The following CHST8 variants were observed in gnomAD, a reference collection of about 807,000 sequenced individuals.
The protein encoded by CHST8 is carbohydrate sulfotransferase 8.
A neutral mutation model predicts 15.0 loss-of-function variants in CHST8; 10 were observed. The observed-to-expected ratio is 0.67, with a 90% CI of 0.41 to 1.13. The LOEUF is 1.13. Among genes scored for constraint, CHST8 ranks in the 50% most tolerant of loss-of-function variants. CHST8 has a pLI of 0.00. For missense variants in CHST8, 634 were observed against 608.2 expected (o/e 1.04, Z -0.45); for synonymous variants, 259 against 256.6 (o/e 1.01, Z -0.09).
intron 1 of CHST8, among the ~76,000 whole-genome samples, chr19:33,624,309 G>A (rs1402684097): frequency 6.6e-6 from 1 of 152,202 alleles, no homozygotes. Flanking sequence ...CTCCAGTTGG[G>A]AGAGGAGAGC....
Position 33,724,559 on chromosome 19 carries a change from C to T in CHST8, c.130+35168C>T, listed in dbSNP as rs535697271. ...ATGTGCGTCTGCAGCCTGGAGGACA[C>T]GCCCTCCCTCACTGAGTGTGGGCGC... On this transcript the variant is annotated intron_variant, in intron 3 of 4. Transcript: ENST00000650847. Among the ~76,000 whole-genome samples the T allele has an allele frequency of 2.5e-4, 38 of 152,316 alleles. 1 individual carries two copies. In the South Asian group the frequency reaches 7.5e-3, roughly 30 times the overall value.
intron 2 of CHST8, among the ~76,000 whole-genome samples, chr19:33,671,140 A>G (rs1972731717): frequency 1.3e-5 from 2 of 152,178 alleles, no homozygotes; most frequent in Admixed American, 1.3e-4. Flanking sequence ...CTTACTGAGA[A>G]GAGTGAATTA....
chr19:33,653,119 G>T (rs965165013), intron 1 of CHST8, among the ~76,000 whole-genome samples: 21 of 152,020 alleles, frequency 1.4e-4, no homozygotes, highest in African/African-American at 5.1e-4. Flanking sequence ...ACTCTTTTTT[G>T]TGTGTGTGAG....
At chr19:33,695,737 G>T (rs1022639555) in intron 3 of CHST8, among the ~76,000 whole-genome samples, 2 of 150,810 alleles carry the variant, frequency 1.3e-5, no homozygotes, top group Admixed American at 1.3e-4. Context: ...TGCTACAAAA[G>T]ACATTATTTT....
chr19:33,709,625 T>A (rs1042412719), intron 3 of CHST8, among the ~76,000 whole-genome samples: 2 of 140,074 alleles, frequency 1.4e-5, no homozygotes, highest in African/African-American at 5.6e-5. Context: ...TTGTTGTGGA[T>A]TTTTTTTTTT....
chr19:33,695,408 A>G (rs1973190329), intron 3 of CHST8, among the ~76,000 whole-genome samples: 1 of 152,100 alleles, frequency 6.6e-6, no homozygotes, highest in African/African-American at 2.4e-5. Context: ...TTTAATACTC[A>G]TTTACTACTT....
chr19:33,749,660 T>C (rs1974377429), intron 3 of CHST8, among the ~76,000 whole-genome samples: 1 of 152,004 alleles, frequency 6.6e-6, no homozygotes, highest in Non-Finnish European at 1.5e-5. Flanking sequence ...GGGCAGGTCC[T>C]GCAGCCCTCA....
intron 1 of CHST8, among the ~76,000 whole-genome samples, chr19:33,663,555 C>T (rs1255073584): frequency 6.6e-6 from 1 of 152,110 alleles, no homozygotes; most frequent in African/African-American, 2.4e-5. Context: ...CCTAGTGAGA[C>T]CCTGTCCCCC....
chr19:33,687,554 C>T (rs1402927421), intron 2 of CHST8, among the ~76,000 whole-genome samples: 1 of 152,200 alleles, frequency 6.6e-6, no homozygotes. Flanking sequence ...CCGCAGGAAC[C>T]AACTGCTCGG....
intron 3 of CHST8, among the ~76,000 whole-genome samples, chr19:33,703,305 C>T (rs1973381145): frequency 6.6e-6 from 1 of 152,118 alleles, no homozygotes; most frequent in Non-Finnish European, 1.5e-5. Flanking sequence ...GGTGGGGTCC[C>T]ACCGTGTGCC....
At chr19:33,749,317 C>T (rs1223623913) in intron 3 of CHST8, among the ~76,000 whole-genome samples, 1 of 152,092 alleles carries the variant, frequency 6.6e-6, no homozygotes, top group Non-Finnish European at 1.5e-5. Flanking sequence ...ATGTGTATAT[C>T]ACAGCTTCAT....
intron 1 of CHST8, among the ~76,000 whole-genome samples, chr19:33,630,394 T>G (rs1972106808): frequency 6.6e-6 from 1 of 152,228 alleles, no homozygotes; most frequent in Admixed American, 6.5e-5. Flanking sequence ...AGCCGGTGCG[T>G]GGGGAAGGCA....
chr19:33,653,067 C>A (rs1437341673), intron 1 of CHST8, among the ~76,000 whole-genome samples: 3 of 152,270 alleles, frequency 2.0e-5, no homozygotes. Context: ...CAACTTACAG[C>A]TGTTTACCAG....
At chr19:33,682,505 C>T (rs1335626649) in intron 2 of CHST8, among the ~76,000 whole-genome samples, 1 of 152,196 alleles carries the variant, frequency 6.6e-6, no homozygotes, top group Admixed American at 6.5e-5. Flanking sequence ...TATCCATCTC[C>T]AGAACCTTTT....
chr19:33,731,867 C>T (rs1443416817), intron 3 of CHST8, among the ~76,000 whole-genome samples: 1 of 152,192 alleles, frequency 6.6e-6, no homozygotes, highest in Non-Finnish European at 1.5e-5. Flanking sequence ...CACTGTTCTC[C>T]TTGCTGGCTG....
chr19:33,763,105 G>A (rs908604871), intron 3 of CHST8, among the ~76,000 whole-genome samples: 10 of 152,086 alleles, frequency 6.6e-5, no homozygotes, highest in Non-Finnish European at 8.8e-5. Context: ...TGATCTGCCC[G>A]CCTCAGTCTC....
At chr19:33,728,335 C>A (rs568828798) in intron 3 of CHST8, among the ~76,000 whole-genome samples, 1 of 152,324 alleles carries the variant, frequency 6.6e-6, no homozygotes, top group Admixed American at 6.5e-5. Context: ...GCTTTTGGGG[C>A]GGCTTCTGTA....
intron 3 of CHST8, among the ~76,000 whole-genome samples, chr19:33,711,877 C>T: frequency 6.6e-6 from 1 of 152,162 alleles, no homozygotes; most frequent in African/African-American, 2.4e-5. Flanking sequence ...AAATGATCTG[C>T]CTGCCTTGGC....
chr19:33,669,778 T>C (rs2145230693), intron 2 of CHST8, among the ~76,000 whole-genome samples: 1 of 152,300 alleles, frequency 6.6e-6, no homozygotes, highest in Non-Finnish European at 1.5e-5. Flanking sequence ...AGCCCAAATC[T>C]ATTATTTAAC....
Sources: gnomAD v4.1 joint callset for allele counts (sites outside exome capture counted in the v4.1 genomes callset) on GRCh38, gnomAD v4.1.1 for gene constraint, MANE v1.5 for transcripts, NCBI Gene and HGNC (gene_info 2026-07-23, HGNC 2026-07-21) for gene names.